The following CPT1B variants were observed in gnomAD, a reference collection of about 807,000 sequenced individuals.
CPT1B encodes carnitine palmitoyltransferase 1B, also known as carnitine O-palmitoyltransferase 1, muscle isoform.
Under a neutral mutation model 92.7 loss-of-function variants are expected in CPT1B, and 57 were observed. That is an observed-to-expected ratio of 0.62 (90% CI 0.50 to 0.77). The LOEUF (loss-of-function observed/expected upper bound fraction) is 0.77. Among genes scored for constraint, CPT1B ranks in the 30% least tolerant of loss-of-function variants. The pLI is 0.00. For synonymous variants in CPT1B, 398 were observed against 383.5 expected, an observed-to-expected ratio of 1.04 and a Z score of -0.44; for missense variants, 983 against 1,017.4, an observed-to-expected ratio of 0.97 and a Z score of 0.46.
chr22:50,577,712 C>G, intron 2 of CPT1B, 63 bp downstream of exon 2: 1 of 1,592,966 alleles, frequency 6.3e-7, no homozygotes, highest in Non-Finnish European at 8.6e-7. Flanking sequence ...GGGACCCTAA[C>G]AAAGCGCTTA....
intron 19 of CPT1B, 63 bp from the exon 20 acceptor site, chr22:50,569,144 T>G (rs2070028944): frequency 1.9e-6 from 1 of 533,186 alleles, no homozygotes; most frequent in African/African-American, 1.9e-5. Context: ...AAAATCAAAA[T>G]TCCCTTCCTG....
chr22:50,577,650 C>T, intron 2 of CPT1B, 125 bp downstream of exon 2: 1 of 1,464,234 alleles, frequency 6.8e-7, no homozygotes, highest in South Asian at 1.3e-5. Flanking sequence ...CCTCTGGTGT[C>T]TGTACTTCCA....
chr22:50,574,251 A>T (rs1603443373), intron 9 of CPT1B, 84 bp downstream of exon 9: 1 of 1,058,844 alleles, frequency 9.4e-7, no homozygotes, highest in Non-Finnish European at 1.4e-6. Flanking sequence ...ACCCTGAGAC[A>T]CTGGGGACGC....
At chr22:50,576,795 C>A in intron 4 of CPT1B, 62 bp downstream of exon 4, 85 of 1,602,798 alleles carry the variant, frequency 5.3e-5, no homozygotes, top group Non-Finnish European at 6.8e-5. Context: ...AGCTCAGAAC[C>A]CCAAAGGAGT....
Position 50,572,140 on chromosome 22 carries a change from G to A in CPT1B, c.1459-18C>T, listed in dbSNP as rs1482399979. Reference sequence around the variant, plus strand: ...AGGACAAACTGCAGGGAGAGGATGAGACTGAGAGGCTGGCCTCATCCCCTA... The same window carrying A: ...AGGACAAACTGCAGGGAGAGGATGAAACTGAGAGGCTGGCCTCATCCCCTA... On this transcript the variant is annotated intron_variant, in intron 12 of 19. Coordinates refer to ENST00000312108, the MANE Select transcript of CPT1B (RefSeq NM_152246.3). 2.5e-6 allele frequency: 4 copies of A among 1,613,450 alleles called. No individual in the cohort carries two copies. Among genetic ancestry groups the A allele is most frequent in the East Asian group, 2.2e-5 (1 of 44,880 alleles).
intron 17 of CPT1B, among the ~76,000 whole-genome samples, 184 bp from the exon 18 acceptor site, chr22:50,569,852 G>A (rs559919399): frequency 7.2e-5 from 11 of 152,214 alleles, no homozygotes; most frequent in Admixed American, 2.0e-4. Flanking sequence ...CCCAGACCCC[G>A]CCAAGGGATC....
rs1358954461 is a variant in CPT1B at position 50,576,275 on chromosome 22, C to T, written c.622G>A (p.Ala208Thr). ...GCAGTCTTGTCCTGGAATTCTTTGG[C>T]CAGCAACTCCATGCGGTAATATTCC... ...DEEYYRMELL[A>T]KEFQDKTAPR... is the part of the protein sequence containing the mutation. The change falls in exon 6 of 20, where the codon GCC (alanine) becomes ACC (threonine). Residue 208 changes from alanine to threonine, a missense_variant. Physicochemically the swap from Ala to Thr is moderately conservative, Grantham distance 58 (BLOSUM62 0). Coordinates refer to ENST00000312108, the MANE Select transcript of CPT1B (RefSeq NM_152246.3). 6.2e-7 allele frequency: 1 copy of T among 1,614,070 alleles called. No individual in the cohort carries two copies. The highest frequency in any genetic ancestry group is 8.5e-7 in the Non-Finnish European group (1 of 1,180,026).
chr22:50,572,038 G>A lies in CPT1B; in HGVS notation c.1543C>T (p.Pro515Ser), dbSNP rs71318421. ...LGKPNPALAPPTRLQWDIPKQ... is the reference protein window; with the variant it reads ...LGKPNPALAPSTRLQWDIPKQ... Reference sequence around the variant, plus strand: ...GGAATGTCCCACTGCAGCCGTGTAGGAGGTGCGAGCGCAGGGTTCGGTTTG... The same window carrying A: ...GGAATGTCCCACTGCAGCCGTGTAGAAGGTGCGAGCGCAGGGTTCGGTTTG... The change falls in exon 13 of 20, where the codon CCT becomes TCT. Residue 515 changes from proline (P) to serine (S), a missense_variant. Physicochemically the swap from Pro to Ser is moderately conservative, Grantham distance 74. Coordinates refer to ENST00000312108, the MANE Select transcript of CPT1B (RefSeq NM_152246.3). 2.5e-6 allele frequency: 4 copies of A among 1,614,154 alleles called. No homozygotes were observed. In the South Asian group the frequency reaches 3.3e-5, roughly 13 times the overall value.
Position 50,574,391 on chromosome 22 carries a change from C to T in CPT1B, c.914G>A (p.Cys305Tyr). 1 of 1,614,100 alleles carries T rather than the reference C, an allele frequency of 6.2e-7. No homozygotes were observed. Reference protein sequence around the residue: ...PVMALGIVPMCSYQMERMFNT... With the variant: ...PVMALGIVPMYSYQMERMFNT... The stretch of plus-strand genomic sequence containing the variant: ...GAACATCCTCTCCATCTGGTAGGAG[C>T]ACATAGGCACTATGCCCAGTGCCAT... Residue 305 changes from cysteine (C) to tyrosine (Y), a missense_variant, in exon 9 of 20, where the codon TGC (cysteine) becomes TAC (tyrosine). Cys to Tyr is a radical substitution (Grantham distance 194). Coordinates refer to ENST00000312108, the MANE Select transcript of CPT1B (RefSeq NM_152246.3).
chr22:50,571,076 C>T (rs899626519), intron 15 of CPT1B, 33 bp from the exon 16 acceptor site: 2 of 1,611,864 alleles, frequency 1.2e-6, no homozygotes, highest in Non-Finnish European at 1.7e-6. Context: ...TGAAGAGTAG[C>T]CCTGGCCCTC....
chr22:50,570,831 C>T, intron 16 of CPT1B, 60 bp downstream of exon 16: 1 of 1,583,460 alleles, frequency 6.3e-7, no homozygotes, highest in South Asian at 1.1e-5. Context: ...CATGAGATGG[C>T]CCAAGCCCTG....
rs745866439 is a variant in CPT1B, at chr22:50,571,240, C to A, written c.1793G>T (p.Arg598Leu). ...ACGCACAGTCTCAGTCCGTCCCTCC[C>A]GGAACATTCTGGTCATTGAGGCCTC... Reference protein sequence around the residue: ...TYEASMTRMFREGRTETVRSC... With the variant: ...TYEASMTRMFLEGRTETVRSC... The change falls in exon 15 of 20, where the codon CGG (arginine) becomes CTG (leucine). Residue 598 changes from arginine (R) to leucine (L), a missense_variant. Arg to Leu is a moderately radical substitution (Grantham distance 102, BLOSUM62 -2). Transcript: ENST00000312108. 6.2e-7 allele frequency: 1 copy of A among 1,614,056 alleles called. No homozygotes were observed. The highest frequency in any genetic ancestry group is 1.7e-5 in the Admixed American group (1 of 60,026).
In CPT1B at chr22:50,573,865, C is replaced by A. The variant is rs946566509; in HGVS notation, c.971-150G>T. ...TGCCCCCTGGATGGGATCCGTGTGT[C>A]CTAAACCAGGCCCTGTGCTGGGTGC... On this transcript the variant is annotated intron_variant, in intron 9 of 19. Coordinates refer to ENST00000312108, the MANE Select transcript of CPT1B (RefSeq NM_152246.3). The surrounding 1 kb of genome is among the most constrained non-coding windows in gnomAD (Gnocchi z 5.0). 7 of 745,128 alleles carry A rather than the reference C, an allele frequency of 9.4e-6. No individual in the cohort carries two copies. Among genetic ancestry groups the A allele is most frequent in the Non-Finnish European group, 1.5e-5 (6 of 411,524 alleles). 46.2% of individuals were successfully genotyped at this position (745,128 alleles called of 1,614,324 possible). A position where few individuals can be genotyped will look rare whatever the true frequency, so the allele number is the denominator to read the frequency against.
Position 50,573,448 on chromosome 22 carries a change from G to T in CPT1B, c.1166+72C>A. 1.5e-6 allele frequency: 2 copies of T among 1,364,942 alleles called. No homozygotes were observed. Among genetic ancestry groups the T allele is most frequent in the Non-Finnish European group, 1.0e-6 (1 of 1,001,862 alleles). The allele number at this position is 1,364,942 out of a possible 1,614,324, so 84.6% of individuals were successfully genotyped here. On this transcript the variant is annotated intron_variant, in intron 10 of 19. Transcript: ENST00000312108. This position sits in a 1 kb window ranked among gnomAD's most constrained non-coding sequence, Gnocchi z 5.0. ...CCAGCCTCCAGTTCCAGGGTGGCAG[G>T]CAGGGCCACGCTCCTCTCCTCACGG...
chr22:50,569,608 GGAA>G lies in CPT1B; in HGVS notation c.2200_2202del (p.Phe734del). 1 of 1,614,028 alleles carries G rather than the reference GGAA, an allele frequency of 6.2e-7. No homozygotes were observed. Among genetic ancestry groups the G allele is most frequent in the Non-Finnish European group, 8.5e-7 (1 of 1,180,004 alleles). On this transcript the variant is annotated inframe_deletion, in exon 18 of 20. Coordinates refer to ENST00000312108, the MANE Select transcript of CPT1B (RefSeq NM_152246.3). Reference sequence around the variant, plus strand: ...GAGCTTGAGAACTTGCTGGAGATGTGGAAGAAGATCGTGTTCTCGCCTGCAATC... The same window carrying G: ...GAGCTTGAGAACTTGCTGGAGATGTGGAAGATCGTGTTCTCGCCTGCAATC...
chr22:50,573,472 G>A lies in CPT1B; in HGVS notation c.1166+48C>T, dbSNP rs2070282191. The A allele has an allele frequency of 9.3e-6, 14 of 1,513,134 alleles. No individual in the cohort carries two copies. The highest frequency in any genetic ancestry group is 2.5e-5 in the South Asian group (2 of 81,098). The allele number at this position is 1,513,134 out of a possible 1,614,324, so 93.7% of individuals were successfully genotyped here. A position where few individuals can be genotyped will look rare whatever the true frequency, so the allele number is the denominator to read the frequency against. On this transcript the variant is annotated intron_variant, in intron 10 of 19. Transcript: ENST00000312108. The surrounding 1 kb of genome is among the most constrained non-coding windows in gnomAD (Gnocchi z 5.0). The stretch of plus-strand genomic sequence containing the variant: ...GGCAGGGCCACGCTCCTCTCCTCAC[G>A]GAGCCCTGAACTCAGGGTGGGGACA...
intron 3 of CPT1B, 97 bp from the exon 4 acceptor site, chr22:50,577,131 C>G: frequency 6.9e-7 from 1 of 1,448,754 alleles, no homozygotes; most frequent in East Asian, 2.3e-5. Flanking sequence ...GAAGAACCTC[C>G]CTGGGCACAC....
chr22:50,574,404 T>C lies in CPT1B; in HGVS notation c.901A>G (p.Ile301Val), dbSNP rs2146629323. ...ATCTGGTAGGAGCACATAGGCACTA[T>C]GCCCAGTGCCATCACCTGAGGGAAG... ...EEIKPVMALG[I>V]VPMCSYQMER... Residue 301 changes from isoleucine to valine, a missense_variant, in exon 9 of 20, where the codon ATA becomes GTA. Coordinates refer to ENST00000312108, the MANE Select transcript of CPT1B (RefSeq NM_152246.3). 3 of 1,614,028 alleles carry C rather than the reference T, an allele frequency of 1.9e-6. No homozygotes were observed. The highest frequency in any genetic ancestry group is 8.5e-7 in the Non-Finnish European group (1 of 1,179,936).
rs1383367356 is a variant in CPT1B at position 50,576,288 on chromosome 22, G to A, written c.609C>T (p.Arg203=). 1 of 1,614,066 alleles carries A rather than the reference G, an allele frequency of 6.2e-7. No individual in the cohort carries two copies. Among genetic ancestry groups the A allele is most frequent in the Non-Finnish European group, 8.5e-7 (1 of 1,180,028 alleles). ...RPLLDDEEYY[R]MELLAKEFQD... is the part of the protein sequence containing the mutation. The stretch of plus-strand genomic sequence containing the variant: ...GGAATTCTTTGGCCAGCAACTCCAT[G>A]CGGTAATATTCCTCATCATCCAACA... Residue 203 remains arginine (R), a synonymous_variant, in exon 6 of 20, where the codon CGC becomes CGT. Transcript: ENST00000312108.
Sources: allele counts gnomAD v4.1 joint callset (sites outside exome capture counted in the v4.1 genomes callset), GRCh38; gene constraint gnomAD v4.1.1; non-coding constraint Gnocchi (gnomAD v3.1); transcripts MANE v1.5; gene names NCBI Gene and HGNC (gene_info 2026-07-23, HGNC 2026-07-21).